The following PRPF19 variants were observed in gnomAD, a reference collection of about 807,000 sequenced individuals.
The protein encoded by PRPF19 is pre-mRNA processing factor 19, also known as pre-mRNA-processing factor 19.
Under a neutral mutation model 64.2 loss-of-function variants are expected in PRPF19, and 2 were observed. The ratio of observed to expected loss-of-function variants is 0.03; its 90% confidence interval spans 0.01 to 0.10. The LOEUF is 0.10. PRPF19 is among the 10% of genes least tolerant of loss of function. The pLI is 1.00. For synonymous variants in PRPF19, 226 were observed against 251.6 expected, an observed-to-expected ratio of 0.90 and a Z score of 0.96; for missense variants, 314 against 650.0, an observed-to-expected ratio of 0.48 and a Z score of 5.62.
Position 60,898,691 on chromosome 11 carries a change from A to C in PRPF19, c.1055-65T>G. The C allele has an allele frequency of 1.2e-6, 2 of 1,610,082 alleles. No individual in the cohort carries two copies. The highest frequency in any genetic ancestry group is 8.5e-7 in the Non-Finnish European group (1 of 1,177,796). ...CAGGGAGAGAGACTAAGAGCAGCAA[A>C]GGTAGGTTCCTTGTTCTTCACATTC... On this transcript the variant is annotated intron_variant, in intron 12 of 15. Coordinates refer to ENST00000227524, the MANE Select transcript of PRPF19 (RefSeq NM_014502.5). The surrounding 1 kb of genome is among the most constrained non-coding windows in gnomAD (Gnocchi z 4.6).
rs751978860 is a variant in PRPF19, at chr11:60,899,145, G to A, written c.984+4C>T. On this transcript the variant is annotated splice_donor_region_variant and intron_variant, in intron 11 of 15. Coordinates refer to ENST00000227524, the MANE Select transcript of PRPF19 (RefSeq NM_014502.5). ...CCTCTCCAGGGCACTGGCTGGGACC[G>A]CACCTGATCATCGGAGGAGCTCAGG... 4.8e-5 allele frequency: 78 copies of A among 1,609,794 alleles called. No individual in the cohort carries two copies. The highest frequency in any genetic ancestry group is 1.4e-4 in the South Asian group (13 of 90,448).
intron 15 of PRPF19, among the ~76,000 whole-genome samples, chr11:60,895,760 G>T (rs1238985918): frequency 6.6e-6 from 1 of 152,110 alleles, no homozygotes; most frequent in Admixed American, 6.5e-5. Context: ...TGGACACCGA[G>T]AGGCCATAAT....
chr11:60,903,616 C>A, intron 2 of PRPF19, 81 bp from the exon 3 acceptor site: 1 of 1,589,666 alleles, frequency 6.3e-7, no homozygotes. Context: ...TAGCCATAAA[C>A]AGCCCACCAT....
chr11:60,896,912 A>T (rs3973146), intron 15 of PRPF19, among the ~76,000 whole-genome samples: 56,940 of 152,164 alleles, frequency 0.37, 10,809 homozygotes, highest in Middle Eastern at 0.42. Flanking sequence ...AATGTGTTTT[A>T]GTTTTAAGTT....
intron 10 of PRPF19, among the ~76,000 whole-genome samples, chr11:60,900,239 T>C (rs990515944): frequency 3.9e-5 from 6 of 152,248 alleles, no homozygotes; most frequent in African/African-American, 1.4e-4. Context: ...ATATCTGTCC[T>C]CCTCGTAAGT....
chr11:60,891,365 T>C (rs1855856892), intron 15 of PRPF19, 102 bp from the exon 16 acceptor site: 1 of 864,652 alleles, frequency 1.2e-6, no homozygotes, highest in East Asian at 2.7e-5. Context: ...CCTTCTCTAA[T>C]TAGTATTTAT....
intron 10 of PRPF19, among the ~76,000 whole-genome samples, chr11:60,899,637 A>G (rs1372467847): frequency 6.6e-6 from 1 of 152,186 alleles, no homozygotes; most frequent in East Asian, 1.9e-4. Flanking sequence ...TTTTTATTCT[A>G]TTTCATTGAA....
At position 60,901,517 on chromosome 11, in the gene PRPF19, T is replaced by C. The variant is rs1172702657; in HGVS notation, c.549A>G (p.Leu183=). 6.2e-7 allele frequency: 1 copy of C among 1,614,220 alleles called. No homozygotes were observed. Among genetic ancestry groups the C allele is most frequent in the Non-Finnish European group, 8.5e-7 (1 of 1,180,036 alleles). ...IQKLQDKATV[L]TTERKKRGKT... ...AACTCACCTTCTTGCGCTCCGTGGTTAGCACAGTGGCTTTGTCTTGAAGCT... is the reference window on the plus strand; with the variant it reads ...AACTCACCTTCTTGCGCTCCGTGGTCAGCACAGTGGCTTTGTCTTGAAGCT... Residue 183 remains leucine, a synonymous_variant, in exon 7 of 16, where the codon CTA becomes CTG. Transcript: ENST00000227524.
At position 60,902,975 on chromosome 11, in the gene PRPF19, C is replaced by A; in HGVS notation, c.247-94G>T. 1 of 1,525,574 alleles carries A rather than the reference C, an allele frequency of 6.6e-7. No individual in the cohort carries two copies. Among genetic ancestry groups the A allele is most frequent in the Non-Finnish European group, 8.8e-7 (1 of 1,137,826 alleles). The allele number at this position is 1,525,574 out of a possible 1,614,324, so 94.5% of individuals were successfully genotyped here. On this transcript the variant is annotated intron_variant, in intron 3 of 15. Coordinates refer to ENST00000227524, the MANE Select transcript of PRPF19 (RefSeq NM_014502.5). This position sits in a 1 kb window ranked among gnomAD's most constrained non-coding sequence, Gnocchi z 5.0. The stretch of plus-strand genomic sequence containing the variant: ...TGGGGAGGGGATGCTGCCTCCTATC[C>A]CAGAGCCTAGACCAGTATCAGTGAC...
Position 60,902,948 on chromosome 11 carries a change from C to G in PRPF19, c.247-67G>C. 6.4e-7 allele frequency: 1 copy of G among 1,573,014 alleles called. No individual in the cohort carries two copies. The highest frequency in any genetic ancestry group is 8.6e-7 in the Non-Finnish European group (1 of 1,162,460). On this transcript the variant is annotated intron_variant, in intron 3 of 15. Coordinates refer to ENST00000227524, the MANE Select transcript of PRPF19 (RefSeq NM_014502.5). The surrounding 1 kb of genome is among the most constrained non-coding windows in gnomAD (Gnocchi z 5.0). ...CAGGGAGTACCCAGTGGAGTCAGCC[C>G]TTGGGGAGGGGATGCTGCCTCCTAT... is the stretch of plus-strand genomic sequence containing the variant.
At chr11:60,896,406 G>C (rs4938990) in intron 15 of PRPF19, among the ~76,000 whole-genome samples, 56,842 of 151,950 alleles carry the variant, frequency 0.37, 10,784 homozygotes, top group Middle Eastern at 0.42. Flanking sequence ...GCTTTGTGCC[G>C]CCACCCAAAT....
intron 1 of PRPF19, 80 bp downstream of exon 1, chr11:60,906,284 G>A (rs996555348): frequency 2.6e-5 from 39 of 1,511,348 alleles, no homozygotes; most frequent in Admixed American, 1.9e-4. Flanking sequence ...CCCCGGCCCG[G>A]GCGCCGCAGC....
Position 60,890,648 on chromosome 11 carries a change from T to C in PRPF19, c.*518A>G. 1 of 386,876 alleles carries C rather than the reference T, an allele frequency of 2.6e-6. No homozygotes were observed. Among genetic ancestry groups the C allele is most frequent in the Admixed American group, 2.9e-5 (1 of 34,122 alleles). The allele number at this position is 386,876 out of a possible 1,614,324, so 24.0% of individuals were successfully genotyped here. On this transcript the variant is annotated 3_prime_UTR_variant, in exon 16 of 16. Transcript: ENST00000227524. ...GGAAGATGGGCTTCCCGGAAGCCAG[T>C]GTCCCAGTGTGTGCTCCCTCCCCTT...
intron 11 of PRPF19, 63 bp downstream of exon 11, chr11:60,899,086 C>G (rs928257835): frequency 1.5e-5 from 24 of 1,549,930 alleles, no homozygotes; most frequent in Non-Finnish European, 2.1e-5. Context: ...GATGTTCCTG[C>G]CACCCAGGAT....
In PRPF19 at chr11:60,898,143, C is replaced by T; in HGVS notation, c.1269G>A (p.Lys423=). 3.1e-6 allele frequency: 5 copies of T among 1,614,206 alleles called. No individual in the cohort carries two copies. Among genetic ancestry groups the T allele is most frequent in the Non-Finnish European group, 4.2e-6 (5 of 1,180,038 alleles). ...GCTGCAAAGTCTTAAAGTTCTTAAGCTTGCGCAGATCCCAGAGCTTGACAG... is the reference window on the plus strand; with the variant it reads ...GCTGCAAAGTCTTAAAGTTCTTAAGTTTGCGCAGATCCCAGAGCTTGACAG... The part of the protein sequence containing the change: ...DSSVKLWDLR[K]LKNFKTLQLD... Residue 423 remains lysine (K), a synonymous_variant, in exon 14 of 16, where the codon AAG becomes AAA. Transcript: ENST00000227524. The surrounding 1 kb of genome is among the most constrained non-coding windows in gnomAD (Gnocchi z 4.6).
chr11:60,899,240 C>A lies in PRPF19; in HGVS notation c.893G>T (p.Cys298Phe), dbSNP rs532340461. The A allele has an allele frequency of 6.2e-7, 1 of 1,613,934 alleles. No individual in the cohort carries two copies. The highest frequency in any genetic ancestry group is 8.5e-7 in the Non-Finnish European group (1 of 1,179,884). ...CTCATGGGCCCGAACCACCTGTACA[C>A]AAGAGGCATTGGGGACCGACCAAAT... is the stretch of plus-strand genomic sequence containing the variant. ...IRIWSVPNAS[C>F]VQVVRAHESA... The change falls in exon 11 of 16, where the codon TGT becomes TTT. Residue 298 changes from cysteine to phenylalanine, a missense_variant. Cys to Phe is a radical substitution (Grantham distance 205). Coordinates refer to ENST00000227524, the MANE Select transcript of PRPF19 (RefSeq NM_014502.5).
chr11:60,903,291 A>G (rs945421090), intron 3 of PRPF19, among the ~76,000 whole-genome samples, 168 bp downstream of exon 3: 2 of 152,214 alleles, frequency 1.3e-5, no homozygotes, highest in African/African-American at 4.8e-5. Flanking sequence ...CCTACTATGT[A>G]CCAGGTGCTG....
Position 60,903,758 on chromosome 11 carries a change from G to A in PRPF19, c.123C>T (p.Pro41=). 6.3e-7 allele frequency: 1 copy of A among 1,598,926 alleles called. No individual in the cohort carries two copies. The highest frequency in any genetic ancestry group is 8.5e-7 in the Non-Finnish European group (1 of 1,175,678). ...EKYIAENGTD[P]INNQPLSEEQ... The stretch of plus-strand genomic sequence containing the variant: ...CCTCGGAGAGAGGCTGGTTGTTGAT[G>A]GGGTCGGTACCATTCTCCGCAATGT... Residue 41 remains proline (P), a synonymous_variant, in exon 2 of 16, where the codon CCC becomes CCT. Transcript: ENST00000227524.
chr11:60,895,144 G>A (rs1416535933), intron 15 of PRPF19, among the ~76,000 whole-genome samples: 1 of 152,216 alleles, frequency 6.6e-6, no homozygotes, highest in Non-Finnish European at 1.5e-5. Flanking sequence ...TTGCATCTTG[G>A]AAACCAGGCA....
Sources: gnomAD v4.1 joint callset for allele counts (sites outside exome capture counted in the v4.1 genomes callset) on GRCh38, gnomAD v4.1.1 for gene constraint, Gnocchi (gnomAD v3.1) non-coding constraint, MANE v1.5 for transcripts, NCBI Gene and HGNC (gene_info 2026-07-23, HGNC 2026-07-21) for gene names.